Variants in PTPRT observed in about 807,000 individuals in gnomAD.
PTPRT encodes receptor-type tyrosine-protein phosphatase T.
A neutral mutation model predicts 176.8 loss-of-function variants in PTPRT; 56 were observed. The observed-to-expected ratio is 0.32, with a 90% CI of 0.26 to 0.40. The LOEUF is 0.40. Among genes scored for constraint, PTPRT ranks in the 10% least tolerant of loss-of-function variants. The pLI, the probability that PTPRT is intolerant of heterozygous loss-of-function variation, is 1.00. For synonymous variants in PTPRT, 783 were observed against 739.0 expected (o/e 1.06, Z -0.96); for missense variants, 1,540 against 1,908.2 (o/e 0.81, Z 3.60).
At chr20:43,172,613 A>G (rs2146463241) in intron 1 of PTPRT, among the ~76,000 whole-genome samples, 1 of 152,306 alleles carries the variant, frequency 6.6e-6, no homozygotes, top group South Asian at 2.1e-4. Context: ...ACTCCCAGCA[A>G]TAGCACTATA....
chr20:43,173,387 C>T (rs1490492943), intron 1 of PTPRT, among the ~76,000 whole-genome samples: 1 of 152,238 alleles, frequency 6.6e-6, no homozygotes, highest in Non-Finnish European at 1.5e-5. Context: ...GCCCTTATAT[C>T]TCAGAATCAG....
intron 12 of PTPRT, among the ~76,000 whole-genome samples, chr20:42,297,184 A>G (rs966950872): frequency 5.9e-5 from 9 of 152,270 alleles, no homozygotes; most frequent in Middle Eastern, 6.8e-3. Context: ...ACAGCTAACA[A>G]AGAATATAAT....
chr20:42,335,977 T>G (rs1240446284), intron 11 of PTPRT, among the ~76,000 whole-genome samples: 1 of 152,220 alleles, frequency 6.6e-6, no homozygotes, highest in Non-Finnish European at 1.5e-5. Flanking sequence ...AACCTTTCAG[T>G]ACTTCAGTTT....
chr20:43,034,699 C>T (rs543495810), intron 1 of PTPRT, among the ~76,000 whole-genome samples: 3 of 151,608 alleles, frequency 2.0e-5, no homozygotes, highest in South Asian at 2.1e-4. Flanking sequence ...ATTTCAAAAC[C>T]GTGAACACAG....
rs535533048 is a variant in PTPRT at position 42,724,501 on chromosome 20, T to C, written c.859+31961A>G. On this transcript the variant is annotated intron_variant, in intron 6 of 30. Coordinates refer to ENST00000373187, the MANE Select transcript of PTPRT (RefSeq NM_007050.6). ...CCACCATCCCCTACCCCAAAGTTCT[T>C]AGTTTTCATACTTAGTTTCTACCAC... is the stretch of plus-strand genomic sequence containing the variant. Among the ~76,000 whole-genome samples, 3 of 152,328 alleles carry C rather than the reference T, an allele frequency of 2.0e-5. No homozygotes were observed. In the East Asian group the frequency reaches 5.8e-4, roughly 29 times the overall value.
intron 2 of PTPRT, among the ~76,000 whole-genome samples, chr20:42,799,756 G>T (rs531083732): frequency 6.6e-6 from 1 of 152,272 alleles, no homozygotes; most frequent in African/African-American, 2.4e-5. Context: ...ACCACACACT[G>T]CCCCGTAAGC....
At chr20:42,034,265 G>A in the PTPRT span, among the ~76,000 whole-genome samples, 2 of 152,124 alleles carry the variant, frequency 1.3e-5, no homozygotes, top group African/African-American at 4.8e-5. Flanking sequence ...GAAGGCTGTT[G>A]GACTGAGGGC....
At chr20:42,116,103 T>C (rs1987268120) in intron 21 of PTPRT, 4 of 720,056 alleles carry the variant, frequency 5.6e-6, no homozygotes, top group African/African-American at 1.7e-5. Flanking sequence ...TGGGTGCTAA[T>C]AGGTGTTAGG....
At chr20:42,695,154 T>C (rs958433967) in intron 6 of PTPRT, among the ~76,000 whole-genome samples, 4 of 152,258 alleles carry the variant, frequency 2.6e-5, no homozygotes, top group Non-Finnish European at 4.4e-5. Context: ...GGTTGGCAAA[T>C]ATTTTCTTTC....
chr20:42,840,126 A>G (rs896775000), intron 2 of PTPRT, among the ~76,000 whole-genome samples: 2 of 152,144 alleles, frequency 1.3e-5, no homozygotes, highest in African/African-American at 2.4e-5. Flanking sequence ...ATAGGGAAGA[A>G]TCTTTCCTTG....
intron 15 of PTPRT, among the ~76,000 whole-genome samples, chr20:42,204,069 T>A (rs1221252270): frequency 2.0e-5 from 3 of 152,176 alleles, no homozygotes; most frequent in African/African-American, 7.2e-5. Context: ...GTCCTCTTAC[T>A]CTGAACACAA....
chr20:42,648,644 C>T (rs182694065), intron 7 of PTPRT, among the ~76,000 whole-genome samples: 2 of 152,094 alleles, frequency 1.3e-5, no homozygotes, highest in East Asian at 3.9e-4. Context: ...CTCTTCGACT[C>T]CAAGGTGTAC....
chr20:42,817,158 A>C (rs1475924345), intron 2 of PTPRT, among the ~76,000 whole-genome samples: 1 of 152,248 alleles, frequency 6.6e-6, no homozygotes, highest in Non-Finnish European at 1.5e-5. Context: ...CTTAGCAGAA[A>C]GCCAGTAGAC....
intron 17 of PTPRT, among the ~76,000 whole-genome samples, chr20:42,160,650 A>G (rs1747805344): frequency 6.6e-6 from 1 of 152,216 alleles, no homozygotes; most frequent in African/African-American, 2.4e-5. Context: ...TAAGGAACTT[A>G]TAAGAAGAAC....
At chr20:42,504,969 G>A (rs575453550) in intron 7 of PTPRT, among the ~76,000 whole-genome samples, 76 of 152,110 alleles carry the variant, frequency 5.0e-4, no homozygotes, top group Non-Finnish European at 8.7e-4. Context: ...GCCTCCATTC[G>A]ATAGGTCCGA....
chr20:42,698,478 C>T (rs568168592), intron 6 of PTPRT, among the ~76,000 whole-genome samples: 1 of 152,260 alleles, frequency 6.6e-6, no homozygotes, highest in Admixed American at 6.5e-5. Flanking sequence ...TACTAAAAGT[C>T]CTTTGTATTA....
intron 6 of PTPRT, among the ~76,000 whole-genome samples, chr20:42,705,824 G>A (rs1382977932): frequency 2.0e-5 from 3 of 152,134 alleles, no homozygotes; most frequent in Non-Finnish European, 2.9e-5. Flanking sequence ...TGAAATCAGG[G>A]AATAACTGTA....
chr20:42,891,506 G>C (rs185133591), intron 1 of PTPRT, among the ~76,000 whole-genome samples: 2 of 152,330 alleles, frequency 1.3e-5, no homozygotes, highest in East Asian at 3.9e-4. Context: ...GTTTGGTAGT[G>C]TATAGCATAT....
intron 17 of PTPRT, among the ~76,000 whole-genome samples, chr20:42,160,715 C>G (rs533476316): frequency 6.6e-6 from 1 of 152,194 alleles, no homozygotes; most frequent in Non-Finnish European, 1.5e-5. Flanking sequence ...CTATTATTCC[C>G]CAAACCTCGG....
Sources: gnomAD v4.1 joint callset for allele counts (sites outside exome capture counted in the v4.1 genomes callset) on GRCh38, gnomAD v4.1.1 for gene constraint, MANE v1.5 for transcripts, NCBI Gene and HGNC (gene_info 2026-07-23, HGNC 2026-07-21) for gene names.